RAB38: variants seen among roughly 807,000 people sequenced by gnomAD.
The protein encoded by RAB38 is ras-related protein Rab-38.
In RAB38, 15 loss-of-function variants were observed where a neutral mutation model predicts 18.4. The ratio of observed to expected loss-of-function variants is 0.82; its 90% confidence interval spans 0.55 to 1.26. The LOEUF is 1.26. Ranked by LOEUF, RAB38 falls within the 50% of genes most tolerant of loss-of-function variation. The pLI is 0.00. For synonymous variants in RAB38, 101 were observed against 104.4 expected (o/e 0.97, Z 0.20); for missense variants, 294 against 267.4 (o/e 1.10, Z -0.69).
chr11:87,956,395 C>T, the RAB38 span, among the ~76,000 whole-genome samples: 1 of 152,150 alleles, frequency 6.6e-6, no homozygotes, highest in Non-Finnish European at 1.5e-5. Flanking sequence ...AGACCACTCA[C>T]ATGCAAGCTT....
the RAB38 span, among the ~76,000 whole-genome samples, chr11:87,920,337 T>C: frequency 6.6e-6 from 1 of 152,018 alleles, no homozygotes; most frequent in South Asian, 2.1e-4. Flanking sequence ...TTAAATGTTG[T>C]GTTTCCATTT....
At chr11:88,118,788 T>C (rs1942591539) in intron 2 of RAB38, among the ~76,000 whole-genome samples, 1 of 152,182 alleles carries the variant, frequency 6.6e-6, no homozygotes, top group African/African-American at 2.4e-5. Context: ...GATCAGCAAG[T>C]CTCAGAAACA....
At chr11:88,169,382 C>T (rs1034381722) in intron 1 of RAB38, among the ~76,000 whole-genome samples, 2 of 152,148 alleles carry the variant, frequency 1.3e-5, no homozygotes, top group African/African-American at 4.8e-5. Flanking sequence ...CTTTGCTACA[C>T]TGAGCACATA....
chr11:87,893,382 A>ATGTG, the RAB38 span, among the ~76,000 whole-genome samples: 10 of 35,146 alleles, frequency 2.8e-4, no homozygotes, highest in African/African-American at 4.9e-4. Flanking sequence ...ATATATATAT[A>ATGTG]TATATATATT....
the RAB38 span, among the ~76,000 whole-genome samples, chr11:88,022,343 C>T: frequency 6.6e-6 from 1 of 150,514 alleles, no homozygotes; most frequent in Non-Finnish European, 1.5e-5. Flanking sequence ...ACAGAAGGAA[C>T]ATATCTGAAT....
the RAB38 span, among the ~76,000 whole-genome samples, chr11:87,952,475 T>C: frequency 1.3e-5 from 2 of 152,072 alleles, no homozygotes; most frequent in Admixed American, 6.6e-5. Context: ...CTTAACTTCC[T>C]CCCTGTTTAA....
the RAB38 span, among the ~76,000 whole-genome samples, chr11:88,026,153 C>G: frequency 6.6e-6 from 1 of 151,922 alleles, no homozygotes; most frequent in African/African-American, 2.4e-5. Flanking sequence ...TTAGTAGAGA[C>G]AGGGTTTCAC....
At chr11:87,946,543 G>A in the RAB38 span, among the ~76,000 whole-genome samples, 14 of 148,166 alleles carry the variant, frequency 9.4e-5, no homozygotes, top group African/African-American at 1.5e-4. Context: ...CTCCCCCCTC[G>A]CCCCACCCCA....
chr11:88,081,025 T>TA, the RAB38 span, among the ~76,000 whole-genome samples: 1 of 151,784 alleles, frequency 6.6e-6, no homozygotes, highest in African/African-American at 2.4e-5. Context: ...AGACACTATA[T>TA]AAAAAATACT....
the RAB38 span, among the ~76,000 whole-genome samples, chr11:87,975,074 C>G: frequency 6.6e-6 from 1 of 151,856 alleles, no homozygotes; most frequent in Non-Finnish European, 1.5e-5. Context: ...CATTCCTTAG[C>G]TTATAGACAC....
chr11:87,976,446 T>C, the RAB38 span, among the ~76,000 whole-genome samples: 8 of 136,310 alleles, frequency 5.9e-5, no homozygotes, highest in Admixed American at 5.5e-4. Context: ...ATATTTTTTA[T>C]ATTTATAAAT....
the RAB38 span, among the ~76,000 whole-genome samples, chr11:87,828,234 T>C: frequency 6.6e-6 from 1 of 152,324 alleles, no homozygotes; most frequent in African/African-American, 2.4e-5. Flanking sequence ...AATCCTCAAA[T>C]AATTTTTAAA....
chr11:87,909,345 A>G, the RAB38 span, among the ~76,000 whole-genome samples: 1 of 150,848 alleles, frequency 6.6e-6, no homozygotes, highest in Non-Finnish European at 1.5e-5. Context: ...CTTACTTCTC[A>G]TATTTTGCAG....
At chr11:87,876,219 C>A in the RAB38 span, among the ~76,000 whole-genome samples, 36 of 151,668 alleles carry the variant, frequency 2.4e-4, no homozygotes, top group African/African-American at 8.2e-4. Flanking sequence ...TTAGCTGATG[C>A]CCTTCTGATC....
chr11:87,820,509 C>T, the RAB38 span, among the ~76,000 whole-genome samples: 1 of 152,164 alleles, frequency 6.6e-6, no homozygotes, highest in African/African-American at 2.4e-5. Context: ...AGAAACAAAG[C>T]CACATATTTA....
the RAB38 span, among the ~76,000 whole-genome samples, chr11:88,012,405 C>T: frequency 3.3e-5 from 5 of 152,078 alleles, no homozygotes; most frequent in Non-Finnish European, 5.9e-5. Context: ...TGGTAAGTAA[C>T]GGGGAGGAAG....
chr11:87,932,466 T>G, the RAB38 span, among the ~76,000 whole-genome samples: 66 of 152,188 alleles, frequency 4.3e-4, no homozygotes, highest in South Asian at 0.012. Flanking sequence ...TGACTCTGCA[T>G]GCTTAGTTCT....
chr11:87,868,608 A>AGAGAGAGG, the RAB38 span, among the ~76,000 whole-genome samples: 15 of 103,052 alleles, frequency 1.5e-4, no homozygotes, highest in South Asian at 3.3e-4. Flanking sequence ...AGAGAGAGAG[A>AGAGAGAGG]GAGAGAGAGA....
At chr11:87,841,394 C>T in the RAB38 span, among the ~76,000 whole-genome samples, 4 of 152,114 alleles carry the variant, frequency 2.6e-5, no homozygotes, top group South Asian at 2.1e-4. Flanking sequence ...TGTTTGCTTC[C>T]CCTTCTACCA....
Sources: allele counts gnomAD v4.1 joint callset (sites outside exome capture counted in the v4.1 genomes callset), GRCh38; gene constraint gnomAD v4.1.1; transcripts MANE v1.5; gene names NCBI Gene and HGNC (gene_info 2026-07-23, HGNC 2026-07-21).